The following DPH6 variants were observed in gnomAD, a reference collection of about 807,000 sequenced individuals.
The protein encoded by DPH6 is diphthamine biosynthesis 6.
In DPH6, 33 loss-of-function variants were observed where a neutral mutation model predicts 38.2. The ratio of observed to expected loss-of-function variants is 0.86; its 90% confidence interval spans 0.65 to 1.15. The LOEUF is 1.15. Ranked by LOEUF, DPH6 falls within the 50% of genes most tolerant of loss-of-function variation. DPH6 has a pLI of 0.00. For synonymous variants in DPH6, 108 were observed against 103.0 expected (o/e 1.05, Z -0.30); for missense variants, 325 against 320.0 (o/e 1.02, Z -0.12).
intron 3 of DPH6, among the ~76,000 whole-genome samples, chr15:35,320,895 C>T (rs2052235046): frequency 6.6e-6 from 1 of 152,164 alleles, no homozygotes; most frequent in South Asian, 2.1e-4. Flanking sequence ...GTTTTCTGAA[C>T]CCTGACCTTC....
intron 3 of DPH6, among the ~76,000 whole-genome samples, chr15:35,487,747 C>A (rs1388051407): frequency 6.6e-6 from 1 of 152,244 alleles, no homozygotes; most frequent in Non-Finnish European, 1.5e-5. Flanking sequence ...ATGCAAATTT[C>A]TGCAGCTGGC....
intron 3 of DPH6, among the ~76,000 whole-genome samples, chr15:35,462,001 T>G (rs551338897): frequency 3.0e-4 from 45 of 152,298 alleles, no homozygotes; most frequent in African/African-American, 1.0e-3. Context: ...CTATTGCTCC[T>G]CATTTTAGGA....
chr15:35,248,717 C>A (rs1402648336), intron 3 of DPH6, among the ~76,000 whole-genome samples: 1 of 152,112 alleles, frequency 6.6e-6, no homozygotes, highest in Non-Finnish European at 1.5e-5. Flanking sequence ...TCAGCCATGA[C>A]CTTTATGACG....
chr15:35,228,300 G>A (rs2051495951), intron 3 of DPH6, among the ~76,000 whole-genome samples: 1 of 152,174 alleles, frequency 6.6e-6, no homozygotes, highest in African/African-American at 2.4e-5. Context: ...AAAAGTTGTT[G>A]TAGTCATTAT....
the DPH6 span, among the ~76,000 whole-genome samples, chr15:35,152,413 C>A: frequency 0.63 from 96,347 of 152,030 alleles, 30,936 homozygotes; most frequent in Middle Eastern, 0.7. Context: ...AGACACTGGC[C>A]CAAAGAAGAG....
intron 3 of DPH6, among the ~76,000 whole-genome samples, chr15:35,349,496 G>A (rs2052491592): frequency 6.6e-6 from 1 of 152,124 alleles, no homozygotes; most frequent in Non-Finnish European, 1.5e-5. Context: ...GAGTGCAGTG[G>A]AGTGATTTCG....
chr15:35,433,655 T>C (rs902474534), intron 5 of DPH6, among the ~76,000 whole-genome samples: 17 of 152,206 alleles, frequency 1.1e-4, no homozygotes, highest in African/African-American at 3.9e-4. Flanking sequence ...TTTCCATATA[T>C]AGGCAGTGAA....
At chr15:35,315,120 C>T (rs773578093) in intron 3 of DPH6, among the ~76,000 whole-genome samples, 7 of 152,076 alleles carry the variant, frequency 4.6e-5, no homozygotes, top group African/African-American at 7.3e-5. Flanking sequence ...CAGTTCTTCA[C>T]GACAACACCT....
chr15:35,295,320 T>C (rs1334265735), intron 3 of DPH6, among the ~76,000 whole-genome samples: 1 of 152,148 alleles, frequency 6.6e-6, no homozygotes, highest in Non-Finnish European at 1.5e-5. Flanking sequence ...AAGTCCACAG[T>C]TATTTCTGTT....
At chr15:35,221,083 A>G (rs1157184060) in intron 3 of DPH6, among the ~76,000 whole-genome samples, 4 of 152,216 alleles carry the variant, frequency 2.6e-5, no homozygotes, top group Non-Finnish European at 5.9e-5. Flanking sequence ...TTCATATTCC[A>G]AAAGGGGGAA....
intron 6 of DPH6, chr15:35,401,739 G>T: frequency 2.8e-6 from 2 of 708,944 alleles, no homozygotes; most frequent in Non-Finnish European, 2.6e-6. Context: ...CAGTAGCAGC[G>T]GTAGCTACGA....
chr15:35,282,999 ATCT>A (rs58800667), intron 3 of DPH6: 21 of 222,818 alleles, frequency 9.4e-5, no homozygotes, highest in East Asian at 2.5e-4. Context: ...TATCATCATC[ATCT>A]TCTTCTTCTT....
At chr15:35,429,381 C>T (rs2053606025) in intron 5 of DPH6, among the ~76,000 whole-genome samples, 1 of 152,068 alleles carries the variant, frequency 6.6e-6, no homozygotes. Context: ...TTTTTAGTCC[C>T]TAATTCCAAT....
intron 3 of DPH6, among the ~76,000 whole-genome samples, chr15:35,275,475 T>C (rs1284814457): frequency 1.3e-5 from 2 of 152,098 alleles, no homozygotes; most frequent in Non-Finnish European, 2.9e-5. Flanking sequence ...ACCACGTTTT[T>C]TCACACATAA....
the DPH6 span, among the ~76,000 whole-genome samples, chr15:35,159,938 C>A: frequency 6.6e-6 from 1 of 151,882 alleles, no homozygotes; most frequent in Non-Finnish European, 1.5e-5. Flanking sequence ...CCTAAGCAAA[C>A]TAATGTAGAA....
intron 3 of DPH6, among the ~76,000 whole-genome samples, chr15:35,347,946 T>A (rs1301530227): frequency 2.0e-5 from 3 of 152,172 alleles, no homozygotes; most frequent in Non-Finnish European, 4.4e-5. Flanking sequence ...ATTTCATCTT[T>A]GGAAAAATGT....
chr15:35,519,722 T>C (rs904366818), intron 3 of DPH6: 8 of 152,390 alleles, frequency 5.2e-5, no homozygotes, highest in African/African-American at 1.7e-4. Flanking sequence ...TAAAAGACTA[T>C]AGAGGGCACT....
chr15:35,212,844 C>T (rs1210026907), downstream of DPH6, among the ~76,000 whole-genome samples: 1 of 152,096 alleles, frequency 6.6e-6, no homozygotes, highest in Non-Finnish European at 1.5e-5. Context: ...AATGTAAATG[C>T]TTAAATAGTG....
chr15:35,166,032 C>T, the DPH6 span, among the ~76,000 whole-genome samples: 1 of 151,944 alleles, frequency 6.6e-6, no homozygotes, highest in Non-Finnish European at 1.5e-5. Flanking sequence ...AGCATTATTT[C>T]ACTTTTGAAA....
Sources: allele counts gnomAD v4.1 joint callset (sites outside exome capture counted in the v4.1 genomes callset), GRCh38; gene constraint gnomAD v4.1.1; transcripts MANE v1.5; gene names NCBI Gene and HGNC (gene_info 2026-07-23, HGNC 2026-07-21).